Variants in PDCD11 observed in about 807,000 individuals in gnomAD.
PDCD11 encodes the protein programmed cell death 11, also known as protein RRP5 homolog.
In PDCD11, 97 loss-of-function variants were observed where a neutral mutation model predicts 198.9. The observed-to-expected ratio is 0.49, with a 90% CI of 0.41 to 0.58. The LOEUF is 0.58. Among genes scored for constraint, PDCD11 ranks in the 20% least tolerant of loss-of-function variants. The pLI is 0.00. For missense variants in PDCD11, 2,102 were observed against 2,312.7 expected, an observed-to-expected ratio of 0.91 and a Z score of 1.87; for synonymous variants, 893 against 918.0, an observed-to-expected ratio of 0.97 and a Z score of 0.49.
At position 103,403,290 on chromosome 10, in the gene PDCD11, G is replaced by A; in HGVS notation, c.402+5G>A. ...ACACAAGAACAACCTCTGAAGGTAA[G>A]GGAAATCCGAATGAAGCCTGTTATT... On this transcript the variant is annotated splice_donor_5th_base_variant and intron_variant, in intron 4 of 35. Transcript: ENST00000369797. 1.2e-6 allele frequency: 2 copies of A among 1,607,252 alleles called. No individual in the cohort carries two copies. Among genetic ancestry groups the A allele is most frequent in the Non-Finnish European group, 1.7e-6 (2 of 1,177,516 alleles).
At chr10:103,435,508 C>T (rs370561014) in intron 25 of PDCD11, among the ~76,000 whole-genome samples, 62 of 151,154 alleles carry the variant, frequency 4.1e-4, no homozygotes, top group African/African-American at 1.3e-3. Flanking sequence ...TGCAGTGGCG[C>T]GAGACACAGC....
Position 103,423,536 on chromosome 10 carries a change from A to C in PDCD11, c.2648-7A>C. The stretch of plus-strand genomic sequence containing the variant: ...AAGGATAATCACACTGTGGTTCTGC[A>C]CTGCAGGGCAGGAGGTGGAATCTGG... On this transcript the variant is annotated splice_polypyrimidine_tract_variant and splice_region_variant and intron_variant, in intron 18 of 35. Transcript: ENST00000369797. The C allele has an allele frequency of 1.9e-6, 3 of 1,595,150 alleles. No homozygotes were observed. Among genetic ancestry groups the C allele is most frequent in the Non-Finnish European group, 2.6e-6 (3 of 1,162,722 alleles).
chr10:103,421,993 GA>G lies in PDCD11; in HGVS notation c.2497+436del, dbSNP rs1222145707. On this transcript the variant is annotated intron_variant, in intron 17 of 35. Coordinates refer to ENST00000369797, the MANE Select transcript of PDCD11 (RefSeq NM_014976.2). ...CGTCTCAAAAAAAAAAAAAAAAAAA[GA>G]AAAAAAAAATTGGGTTAACTTTTTT... 6.3e-4 allele frequency among the ~76,000 whole-genome samples: 77 copies of G among 121,894 alleles called. 2 individuals are homozygous for G. The highest frequency in any genetic ancestry group is 4.3e-3 in the Middle Eastern group (1 of 234). 80.0% of individuals were successfully genotyped at this position (121,894 alleles called of 152,430 possible).
chr10:103,443,781 C>T, intron 33 of PDCD11, 134 bp from the exon 34 acceptor site: 2 of 869,836 alleles, frequency 2.3e-6, no homozygotes, highest in Admixed American at 4.3e-5. Flanking sequence ...CCTCTCAGGT[C>T]TCTAGCATTA....
Position 103,421,337 on chromosome 10 carries a change from C to A in PDCD11, c.2278-11C>A. 1.3e-6 allele frequency: 2 copies of A among 1,595,294 alleles called. No homozygotes were observed. Among genetic ancestry groups the A allele is most frequent in the Non-Finnish European group, 1.7e-6 (2 of 1,168,698 alleles). ...TTCCTCTTCTCATCTCCTGCCTGTT[C>A]TTCTGTTCAGATCATGAGTGACAAA... is the stretch of plus-strand genomic sequence containing the variant. On this transcript the variant is annotated splice_polypyrimidine_tract_variant and intron_variant, in intron 16 of 35. Coordinates refer to ENST00000369797, the MANE Select transcript of PDCD11 (RefSeq NM_014976.2).
rs757869444 is a variant in PDCD11, at chr10:103,421,478, G to T, written c.2408G>T (p.Gly803Val). The T allele has an allele frequency of 6.2e-7, 1 of 1,600,296 alleles. No individual in the cohort carries two copies. The highest frequency in any genetic ancestry group is 1.7e-5 in the Admixed American group (1 of 57,460). ...MLLSLRLSDC[G>V]LGDLAITSLL... ...CTGTCACTGCGGCTGTCGGACTGTG[G>T]TCTGGGGGACTTGGCTATCACCAGC... The change falls in exon 17 of 36, where the codon GGT (glycine) becomes GTT (valine). Residue 803 changes from glycine (G) to valine (V), a missense_variant. By Grantham distance (109) the Gly-to-Val change is moderately radical (BLOSUM62 -3). Transcript: ENST00000369797.
At chr10:103,410,421 G>C (rs1291194431) in intron 8 of PDCD11, among the ~76,000 whole-genome samples, 1 of 151,802 alleles carries the variant, frequency 6.6e-6, no homozygotes, top group Non-Finnish European at 1.5e-5. Flanking sequence ...AAGTAGTTTA[G>C]AAGAATATTT....
Position 103,440,458 on chromosome 10 carries a change from C to G in PDCD11, c.4317C>G (p.Asn1439Lys), listed in dbSNP as rs552003903. Residue 1439 changes from asparagine to lysine, a missense_variant, in exon 29 of 36, where the codon AAC (asparagine) becomes AAG (lysine). Physicochemically the swap from Asn to Lys is moderately conservative, Grantham distance 94 (BLOSUM62 0). Transcript: ENST00000369797. ...QKGEKKNQKR[N>K]EKKNQKGQEE... ...GGGAAAAGAAAAATCAGAAAAGGAA[C>G]GAGAAGAAGAACCAGAAGGGGCAGG... The G allele has an allele frequency of 6.2e-7, 1 of 1,613,924 alleles. No individual in the cohort carries two copies. Among genetic ancestry groups the G allele is most frequent in the Non-Finnish European group, 8.5e-7 (1 of 1,179,900 alleles).
At position 103,398,431 on chromosome 10, in the gene PDCD11, C is replaced by G. The variant is rs560438483; in HGVS notation, c.5C>G (p.Ala2Gly). M[A>G]NLEESFPRGG... ...TTGTTTTTAGGAGACCCAAACATGG[C>G]AAACCTGGAAGAAAGCTTCCCCCGA... The change falls in exon 2 of 36, where the codon GCA becomes GGA. Residue 2 changes from alanine (A) to glycine (G), a missense_variant. By Grantham distance (60) the Ala-to-Gly change is moderately conservative (BLOSUM62 0). Transcript: ENST00000369797. The G allele has an allele frequency of 6.2e-7, 1 of 1,612,328 alleles. No homozygotes were observed. The highest frequency in any genetic ancestry group is 2.2e-5 in the East Asian group (1 of 44,872).
chr10:103,413,682 A>T (rs1271468571), intron 9 of PDCD11, among the ~76,000 whole-genome samples: 1 of 152,210 alleles, frequency 6.6e-6, no homozygotes, highest in Non-Finnish European at 1.5e-5. Flanking sequence ...GCAGCCATAG[A>T]CAGTACGTAA....
intron 1 of PDCD11, 86 bp from the exon 2 acceptor site, chr10:103,398,330 C>A: frequency 1.3e-6 from 1 of 798,386 alleles, no homozygotes; most frequent in Admixed American, 1.9e-5. Flanking sequence ...ATTGCTGGAA[C>A]GTTCTGTCTC....
intron 13 of PDCD11, 42 bp downstream of exon 13, chr10:103,416,784 C>T (rs1227219918): frequency 3.8e-6 from 6 of 1,596,752 alleles, no homozygotes; most frequent in Middle Eastern, 2.0e-4. Context: ...CCTTGGTGAC[C>T]CCACAAACAC....
chr10:103,434,790 TC>T lies in PDCD11; in HGVS notation c.3668-6del. On this transcript the variant is annotated splice_polypyrimidine_tract_variant and splice_region_variant and intron_variant, in intron 24 of 35. Coordinates refer to ENST00000369797, the MANE Select transcript of PDCD11 (RefSeq NM_014976.2). ...CTCTTCCCTGAATCAGGTTGGTTCT[TC>T]CACCAGGTCCTCACAAGCTTGAGGA... is the stretch of plus-strand genomic sequence containing the variant. 6.2e-7 allele frequency: 1 copy of T among 1,601,870 alleles called. No individual in the cohort carries two copies. The highest frequency in any genetic ancestry group is 1.1e-5 in the South Asian group (1 of 89,192).
chr10:103,432,382 C>T, intron 22 of PDCD11, 148 bp downstream of exon 22: 1 of 609,940 alleles, frequency 1.6e-6, no homozygotes, highest in Non-Finnish European at 3.0e-6. Context: ...TGGCCTCTGC[C>T]ACTAGAGAAC....
In PDCD11 at chr10:103,438,677, T is replaced by C. The variant is rs1262762766; in HGVS notation, c.3903-9T>C. On this transcript the variant is annotated splice_polypyrimidine_tract_variant and intron_variant, in intron 26 of 35. Transcript: ENST00000369797. ...TAAAGGTGTGCATGTAAGCCTTTTATTCCTTTAGAACAAACCCGGAGACGA... is the reference window on the plus strand; with the variant it reads ...TAAAGGTGTGCATGTAAGCCTTTTACTCCTTTAGAACAAACCCGGAGACGA... 6.2e-7 allele frequency: 1 copy of C among 1,614,182 alleles called. No homozygotes were observed. Among genetic ancestry groups the C allele is most frequent in the East Asian group, 2.2e-5 (1 of 44,888 alleles).
At chr10:103,420,327 TAGAC>T (rs768008879) in intron 16 of PDCD11, among the ~76,000 whole-genome samples, 1 of 152,276 alleles carries the variant, frequency 6.6e-6, no homozygotes, top group African/African-American at 2.4e-5. Flanking sequence ...TCAGCACACT[TAGAC>T]AGGGAAATTG....
chr10:103,418,363 C>T, intron 14 of PDCD11, 77 bp from the exon 15 acceptor site: 2 of 1,253,010 alleles, frequency 1.6e-6, no homozygotes, highest in South Asian at 2.7e-5. Flanking sequence ...TTAATGCCTC[C>T]AAGCCCTGCC....
At chr10:103,401,566 G>C (rs558986157) in intron 3 of PDCD11, among the ~76,000 whole-genome samples, 1 of 152,280 alleles carries the variant, frequency 6.6e-6, no homozygotes, top group South Asian at 2.1e-4. Context: ...ACCGCGGCCA[G>C]CCTGCCTTAC....
chr10:103,430,500 C>T (rs1019818421), intron 21 of PDCD11, among the ~76,000 whole-genome samples: 1 of 152,098 alleles, frequency 6.6e-6, no homozygotes, highest in African/African-American at 2.4e-5. Context: ...ATCACTGGAT[C>T]GTATGGTAAT....
Sources: gnomAD v4.1 joint callset for allele counts (sites outside exome capture counted in the v4.1 genomes callset) on GRCh38, gnomAD v4.1.1 for gene constraint, MANE v1.5 for transcripts, NCBI Gene and HGNC (gene_info 2026-07-23, HGNC 2026-07-21) for gene names.